Variants in C2orf74 observed in about 807,000 individuals in gnomAD.
C2orf74 encodes DPM1 ER membrane anchor 1.
C2orf74 carries 14 observed loss-of-function variants against 17.9 expected under a neutral mutation model. The observed-to-expected ratio is 0.78, with a 90% confidence interval of 0.52 to 1.22. The LOEUF (loss-of-function observed/expected upper bound fraction) is 1.22, where lower values mean the gene tolerates loss of function less well. Ranked by LOEUF, C2orf74 falls within the 50% of genes most tolerant of loss-of-function variation. C2orf74 has a pLI of 0.00. For missense variants in C2orf74, 217 were observed against 218.4 expected (o/e 0.99, Z 0.04); for synonymous variants, 79 against 72.6 (o/e 1.09, Z -0.44).
chr2:61,149,251 T>G (rs1329173709), intron 1 of C2orf74, among the ~76,000 whole-genome samples: 1 of 151,952 alleles, frequency 6.6e-6, no homozygotes, highest in South Asian at 2.1e-4. Context: ...GTGAGTGTGG[T>G]TTTCTCCAGA....
Position 61,163,076 on chromosome 2 carries a change from G to C in C2orf74, c.234G>C (p.Leu78Phe). The C allele has an allele frequency of 1.7e-5, 27 of 1,552,138 alleles. No individual in the cohort carries two copies. Among genetic ancestry groups the C allele is most frequent in the Non-Finnish European group, 2.4e-5 (27 of 1,147,054 alleles). ...HERILMQVMN[L>F]NVPMRPGILV... ...GGATCTTAATGCAAGTCATGAACTT[G>C]AATGTGCCGATGAGGCCTGGCATTC... is the stretch of plus-strand genomic sequence containing the variant. The change falls in exon 4 of 5, where the codon TTG becomes TTC. Residue 78 changes from leucine to phenylalanine, a missense_variant. By Grantham distance (22) the Leu-to-Phe change is conservative. Coordinates refer to ENST00000432605, the MANE Select transcript of C2orf74 (RefSeq NM_001143959.4).
chr2:61,149,569 CCTTT>C (rs1374906964), intron 1 of C2orf74, among the ~76,000 whole-genome samples: 6 of 144,320 alleles, frequency 4.2e-5, no homozygotes, highest in Non-Finnish European at 7.5e-5. Context: ...ATGTTGGGCG[CCTTT>C]CTTTTTTTTT....
intron 1 of C2orf74, among the ~76,000 whole-genome samples, chr2:61,149,380 C>T (rs1003757898): frequency 1.3e-5 from 2 of 152,026 alleles, no homozygotes; most frequent in Admixed American, 6.6e-5. Flanking sequence ...TTCTATTCCA[C>T]AGCTGCCCGG....
chr2:61,151,851 A>T (rs1207900556), intron 1 of C2orf74: 1 of 152,312 alleles, frequency 6.6e-6, no homozygotes, highest in Non-Finnish European at 1.5e-5. Context: ...AAGGGAAGGG[A>T]GGAATATTAA....
Position 61,164,363 on chromosome 2 carries a change from T to A in C2orf74, c.400T>A (p.Leu134Met). 2 of 1,541,658 alleles carry A rather than the reference T, an allele frequency of 1.3e-6. No individual in the cohort carries two copies. ...GETGQEEDDG[L>M]QKIHTSVTRT... The stretch of plus-strand genomic sequence containing the variant: ...TCCCATTCTCTTGCAGGATGATGGT[T>A]TGCAGAAAATACACACATCTGTCAC... The change falls in exon 5 of 5, where the codon TTG becomes ATG. Residue 134 changes from leucine to methionine, a missense_variant. Coordinates refer to ENST00000432605, the MANE Select transcript of C2orf74 (RefSeq NM_001143959.4).
chr2:61,149,574 C>CTT (rs70959895), intron 1 of C2orf74, among the ~76,000 whole-genome samples: 229 of 79,932 alleles, frequency 2.9e-3, no homozygotes, highest in Non-Finnish European at 3.6e-3. Flanking sequence ...GGGCGCCTTT[C>CTT]TTTTTTTTTT....
At chr2:61,154,937 C>T (rs1298982760) in intron 1 of C2orf74, among the ~76,000 whole-genome samples, 1 of 151,554 alleles carries the variant, frequency 6.6e-6, no homozygotes, top group Admixed American at 6.6e-5. Flanking sequence ...TGGTGGTGCA[C>T]GCCTGTAATC....
At chr2:61,145,701 G>T (rs1685049510) in intron 1 of C2orf74, among the ~76,000 whole-genome samples, 1 of 152,286 alleles carries the variant, frequency 6.6e-6, no homozygotes, top group African/African-American at 2.4e-5. Context: ...GGGATTACAG[G>T]CGTGAGCCAC....
chr2:61,163,046 T>A lies in C2orf74; in HGVS notation c.210-6T>A, dbSNP rs1262287539. ...ATGTTTAAAACTCTACCGATTAATT[T>A]TCTAGGATCTTAATGCAAGTCATGA... On this transcript the variant is annotated splice_region_variant and splice_polypyrimidine_tract_variant and intron_variant, in intron 3 of 4. Transcript: ENST00000432605. 6.4e-7 allele frequency: 1 copy of A among 1,552,070 alleles called. No individual in the cohort carries two copies. The highest frequency in any genetic ancestry group is 2.0e-5 in the Admixed American group (1 of 50,986).
At chr2:61,152,312 C>A (rs908581257) in intron 1 of C2orf74, among the ~76,000 whole-genome samples, 5 of 151,760 alleles carry the variant, frequency 3.3e-5, no homozygotes, top group African/African-American at 1.2e-4. Flanking sequence ...GAGGCCGAGG[C>A]GGGCAGATCA....
chr2:61,146,472 C>A (rs776630242), intron 1 of C2orf74, among the ~76,000 whole-genome samples: 1 of 152,120 alleles, frequency 6.6e-6, no homozygotes, highest in African/African-American at 2.4e-5. Flanking sequence ...ATTGAATTAT[C>A]TGAATGCTGT....
At chr2:61,161,095 C>A (rs1685550894), upstream of C2orf74, among the ~76,000 whole-genome samples, 1 of 152,140 alleles carries the variant, frequency 6.6e-6, no homozygotes, top group Non-Finnish European at 1.5e-5. Context: ...AAATAATAAC[C>A]CCCCTATTGG....
At position 61,162,458 on chromosome 2, in the gene C2orf74, A is replaced by T. The variant is rs1215254595; in HGVS notation, c.-57A>T. 1 of 1,291,528 alleles carries T rather than the reference A, an allele frequency of 7.7e-7. No homozygotes were observed. Among genetic ancestry groups the T allele is most frequent in the Non-Finnish European group, 1.1e-6 (1 of 927,880 alleles). 80.0% of individuals were successfully genotyped at this position (1,291,528 alleles called of 1,614,324 possible). A position where few individuals can be genotyped will look rare whatever the true frequency, so the allele number is the denominator to read the frequency against. ...AGAACTGCATTCAAATTGAGCTGGA[A>T]AAGAATATTTGGACAGTCTGTGATT... is the stretch of plus-strand genomic sequence containing the variant. On this transcript the variant is annotated 5_prime_UTR_variant, in exon 2 of 5. Coordinates refer to ENST00000432605, the MANE Select transcript of C2orf74 (RefSeq NM_001143959.4).
chr2:61,149,448 T>C lies in C2orf74; in HGVS notation c.-122+4252T>C, dbSNP rs140546352. 1.9e-3 allele frequency among the ~76,000 whole-genome samples: 287 copies of C among 152,262 alleles called. 2 individuals are homozygous for C. The highest frequency in any genetic ancestry group is 6.7e-3 in the African/African-American group (277 of 41,556). Reference sequence around the variant, plus strand: ...TCCAGAGCTAAAGTCAGAAAAACTTTTGGCCCTTCTCTGTATCTCAGCACT... The same window carrying C: ...TCCAGAGCTAAAGTCAGAAAAACTTCTGGCCCTTCTCTGTATCTCAGCACT... On this transcript the variant is annotated intron_variant, in intron 1 of 3. Transcript: ENST00000426997.
At chr2:61,155,062 C>T (rs1198081775) in intron 1 of C2orf74, among the ~76,000 whole-genome samples, 1 of 151,930 alleles carries the variant, frequency 6.6e-6, no homozygotes, top group Non-Finnish European at 1.5e-5. Flanking sequence ...GAGACTCTGT[C>T]TCAAAAAAAG....
At chr2:61,149,175 C>T (rs1685151475) in intron 1 of C2orf74, among the ~76,000 whole-genome samples, 2 of 152,182 alleles carry the variant, frequency 1.3e-5, no homozygotes, top group Non-Finnish European at 2.9e-5. Context: ...CCTCTGACTT[C>T]AAGCATGGCT....
chr2:61,154,341 A>G (rs1468073972), intron 1 of C2orf74, among the ~76,000 whole-genome samples: 1 of 152,198 alleles, frequency 6.6e-6, no homozygotes, highest in Non-Finnish European at 1.5e-5. Context: ...AGGTCATCAA[A>G]AACAGGGAAA....
rs186360001 is a variant in C2orf74 at position 61,163,473 on chromosome 2, A to G, written c.390+241A>G. ...ACAAAAATTAGCTGGGCGTGGTGGC[A>G]CCCGCCTGTAATCCCAGCTACTTGG... On this transcript the variant is annotated intron_variant, in intron 4 of 4. Coordinates refer to ENST00000432605, the MANE Select transcript of C2orf74 (RefSeq NM_001143959.4). Among the ~76,000 whole-genome samples, 32 of 151,348 alleles carry G rather than the reference A, an allele frequency of 2.1e-4. No individual in the cohort carries two copies. In the East Asian group the frequency reaches 5.3e-3, roughly 25 times the overall value.
rs747489701 is a variant in C2orf74, at chr2:61,162,578, C to T, written c.64C>T (p.Leu22Phe). The T allele has an allele frequency of 3.9e-6, 6 of 1,550,512 alleles. 1 individual carries two copies. In the South Asian group the frequency reaches 6.0e-5, roughly 15 times the overall value. The change falls in exon 2 of 5, where the codon CTC becomes TTC. Residue 22 changes from leucine to phenylalanine, a missense_variant. Coordinates refer to ENST00000432605, the MANE Select transcript of C2orf74 (RefSeq NM_001143959.4). ...CCTTCTAATTTGCCTCATTTGCATC[C>T]TCCTCTTATTGGTGGTTTTTTTATA... Reference protein sequence around the residue: ...IILLICLICILLLLVVFLYKC... With the variant: ...IILLICLICIFLLLVVFLYKC...
Sources: allele counts gnomAD v4.1 joint callset (sites outside exome capture counted in the v4.1 genomes callset), GRCh38; gene constraint gnomAD v4.1.1; transcripts MANE v1.5; gene names NCBI Gene and HGNC (gene_info 2026-07-23, HGNC 2026-07-21).